PIP5K1B: variants seen among roughly 807,000 people sequenced by gnomAD.
PIP5K1B encodes the protein phosphatidylinositol-4-phosphate 5-kinase type 1 beta, also known as phosphatidylinositol 4-phosphate 5-kinase type-1 beta.
PIP5K1B carries 42 observed loss-of-function variants against 67.0 expected under a neutral mutation model. That is an observed-to-expected ratio of 0.63 (90% CI 0.49 to 0.81). The LOEUF is 0.81. Among genes scored for constraint, PIP5K1B ranks in the 30% least tolerant of loss-of-function variants. The probability of loss-of-function intolerance (pLI) is 0.00; values close to 1 mark genes in which losing one functional copy is unlikely to be tolerated. For synonymous variants in PIP5K1B, 214 were observed against 231.4 expected (o/e 0.92, Z 0.68); for missense variants, 459 against 646.3 (o/e 0.71, Z 3.14).
At chr9:68,707,113 A>G (rs550266996) in intron 1 of PIP5K1B, among the ~76,000 whole-genome samples, 76 of 152,222 alleles carry the variant, frequency 5.0e-4, no homozygotes, top group African/African-American at 1.7e-3. Flanking sequence ...CTCTGAGCGG[A>G]GGGAAACGGT....
At chr9:68,812,660 G>A (rs1015630922) in intron 2 of PIP5K1B, among the ~76,000 whole-genome samples, 4 of 152,208 alleles carry the variant, frequency 2.6e-5, no homozygotes, top group African/African-American at 9.7e-5. Flanking sequence ...CCAGGCTCTT[G>A]CCAGAGACTA....
chr9:68,758,670 AAG>A (rs1234459752), intron 2 of PIP5K1B, among the ~76,000 whole-genome samples: 1 of 152,114 alleles, frequency 6.6e-6, no homozygotes, highest in African/African-American at 2.4e-5. Flanking sequence ...ACCCCAGGAA[AAG>A]AGAGGAAAAA....
At chr9:68,897,040 G>A (rs890678407) in intron 8 of PIP5K1B, among the ~76,000 whole-genome samples, 1 of 152,170 alleles carries the variant, frequency 6.6e-6, no homozygotes, top group Non-Finnish European at 1.5e-5. Flanking sequence ...TAGGATATGT[G>A]GTTGACATCG....
At position 68,726,785 on chromosome 9, in the gene PIP5K1B, CTT is replaced by C. The variant is rs1032264305; in HGVS notation, c.-242-15712_-242-15711del. 2.1e-4 allele frequency among the ~76,000 whole-genome samples: 32 copies of C among 152,152 alleles called. 1 individual carries two copies. The highest frequency in any genetic ancestry group is 7.5e-4 in the African/African-American group (31 of 41,428). Reference sequence around the variant, plus strand: ...CATATGAGAGTTTCCGTTGCTTCAACTTTTTATGAACACATGGTATGATCGTT... The same window carrying C: ...CATATGAGAGTTTCCGTTGCTTCAACTTTATGAACACATGGTATGATCGTT... On this transcript the variant is annotated intron_variant, in intron 1 of 15. Transcript: ENST00000265382.
At chr9:68,734,471 G>A (rs115564899) in intron 1 of PIP5K1B, among the ~76,000 whole-genome samples, 1,549 of 152,344 alleles carry the variant, frequency 0.01, 28 homozygotes, top group African/African-American at 0.035. Flanking sequence ...TCAAAGCTAC[G>A]TCCAACATAT....
intron 6 of PIP5K1B, among the ~76,000 whole-genome samples, chr9:68,881,745 CCTT>C (rs147577923): frequency 0.015 from 2,259 of 152,308 alleles, 53 homozygotes; most frequent in African/African-American, 0.049. Flanking sequence ...TGCAAACTTT[CCTT>C]CTTCCTTATT....
At chr9:69,005,755 G>A (rs907827416) in intron 15 of PIP5K1B, among the ~76,000 whole-genome samples, 2 of 149,966 alleles carry the variant, frequency 1.3e-5, no homozygotes, top group African/African-American at 4.9e-5. Context: ...ACCCACAAGT[G>A]CCCAAGTCCT....
chr9:68,751,473 T>C (rs1829628119), intron 2 of PIP5K1B, among the ~76,000 whole-genome samples: 1 of 152,204 alleles, frequency 6.6e-6, no homozygotes, highest in African/African-American at 2.4e-5. Flanking sequence ...TTGAATACTG[T>C]GTGCCAACTT....
intron 4 of PIP5K1B, among the ~76,000 whole-genome samples, chr9:68,841,636 A>G (rs1377601763): frequency 6.6e-6 from 1 of 152,222 alleles, no homozygotes; most frequent in Non-Finnish European, 1.5e-5. Flanking sequence ...ATCCACAGAG[A>G]TTTAACTTGG....
intron 1 of PIP5K1B, among the ~76,000 whole-genome samples, chr9:68,732,715 T>G (rs1236175278): frequency 1.3e-5 from 2 of 152,250 alleles, no homozygotes; most frequent in East Asian, 3.9e-4. Flanking sequence ...TGGGCATGGC[T>G]TTTTGGGAGA....
At chr9:68,873,277 T>A (rs1000976307) in intron 5 of PIP5K1B, among the ~76,000 whole-genome samples, 1 of 144,516 alleles carries the variant, frequency 6.9e-6, no homozygotes, top group Non-Finnish European at 1.5e-5. Flanking sequence ...GTTAACTTTC[T>A]GATCTTTTTT....
At chr9:68,857,289 GA>G (rs1822827692) in intron 4 of PIP5K1B, among the ~76,000 whole-genome samples, 1 of 152,198 alleles carries the variant, frequency 6.6e-6, no homozygotes, top group Admixed American at 6.5e-5. Context: ...ATACAAGGAA[GA>G]ACTTGAGAAA....
chr9:68,730,891 G>C (rs1828392334), intron 1 of PIP5K1B, among the ~76,000 whole-genome samples: 1 of 152,214 alleles, frequency 6.6e-6, no homozygotes, highest in South Asian at 2.1e-4. Context: ...TTAGAATTTT[G>C]AATACAGTTA....
chr9:68,877,054 T>G (rs1171529437), intron 6 of PIP5K1B, among the ~76,000 whole-genome samples: 1 of 152,244 alleles, frequency 6.6e-6, no homozygotes, highest in Non-Finnish European at 1.5e-5. Context: ...AGATAATTAT[T>G]CTAACAGATA....
At chr9:69,004,458 G>A (rs1288805528) in intron 15 of PIP5K1B, among the ~76,000 whole-genome samples, 5 of 152,014 alleles carry the variant, frequency 3.3e-5, no homozygotes, top group Non-Finnish European at 5.9e-5. Flanking sequence ...GCACTGAGAG[G>A]GAGGAACTTC....
At chr9:69,004,788 T>C (rs868305796) in intron 15 of PIP5K1B, among the ~76,000 whole-genome samples, 73 of 152,152 alleles carry the variant, frequency 4.8e-4, no homozygotes, top group African/African-American at 1.6e-3. Context: ...TCCTGAGTTA[T>C]GAATTTGAAG....
chr9:68,805,030 C>CAGCAGACGA, intron 2 of PIP5K1B, among the ~76,000 whole-genome samples: 1 of 152,314 alleles, frequency 6.6e-6, no homozygotes, highest in Admixed American at 6.5e-5. Context: ...TGTGAGGGCA[C>CAGCAGACGA]AGCAGATGAA....
chr9:68,873,045 C>T (rs926220888), intron 5 of PIP5K1B, among the ~76,000 whole-genome samples: 2 of 151,910 alleles, frequency 1.3e-5, no homozygotes, highest in African/African-American at 4.8e-5. Flanking sequence ...GTGAAAATGT[C>T]CTTCATGGGG....
chr9:68,884,598 G>A (rs1587613714), intron 6 of PIP5K1B, among the ~76,000 whole-genome samples: 1 of 150,688 alleles, frequency 6.6e-6, no homozygotes, highest in South Asian at 2.1e-4. Flanking sequence ...TGGGGAGGTC[G>A]AGGCTACAAT....
Sources: gnomAD v4.1 joint callset for allele counts (sites outside exome capture counted in the v4.1 genomes callset) on GRCh38, gnomAD v4.1.1 for gene constraint, MANE v1.5 for transcripts, NCBI Gene and HGNC (gene_info 2026-07-23, HGNC 2026-07-21) for gene names.